RAD51B: variants seen among roughly 807,000 people sequenced by gnomAD.
The protein encoded by RAD51B is DNA repair protein RAD51 homolog 2.
A neutral mutation model predicts 42.2 loss-of-function variants in RAD51B; 38 were observed. The observed-to-expected ratio is 0.90, with a 90% CI of 0.70 to 1.18. The LOEUF (loss-of-function observed/expected upper bound fraction) is 1.18, where lower values mean the gene tolerates loss of function less well. Ranked by LOEUF, RAD51B falls within the 50% of genes most tolerant of loss-of-function variation. The pLI is 0.00. For missense variants in RAD51B, 373 were observed against 400.7 expected, an observed-to-expected ratio of 0.93 and a Z score of 0.59; for synonymous variants, 154 against 145.2, an observed-to-expected ratio of 1.06 and a Z score of -0.43.
intron 8 of RAD51B, among the ~76,000 whole-genome samples, chr14:68,362,406 A>T (rs1380431871): frequency 6.6e-6 from 1 of 152,192 alleles, no homozygotes; most frequent in Non-Finnish European, 1.5e-5. Flanking sequence ...TAGCAATCTG[A>T]TGATGTAAGT....
At chr14:68,365,058 A>C (rs977264253) in intron 8 of RAD51B, among the ~76,000 whole-genome samples, 10 of 152,096 alleles carry the variant, frequency 6.6e-5, no homozygotes, top group African/African-American at 2.4e-4. Flanking sequence ...GCTCCTACAC[A>C]TTTCTCATCC....
At chr14:67,830,410 GT>G (rs139853898) in intron 3 of RAD51B, among the ~76,000 whole-genome samples, 48,393 of 150,756 alleles carry the variant, frequency 0.32, 8,014 homozygotes, top group Middle Eastern at 0.45. Flanking sequence ...GATAATTTTT[GT>G]TTTTTTTTGA....
At chr14:68,661,239 G>A (rs1403120229) in intron 11 of RAD51B, among the ~76,000 whole-genome samples, 1 of 152,222 alleles carries the variant, frequency 6.6e-6, no homozygotes, top group Non-Finnish European at 1.5e-5. Flanking sequence ...AACCAACTCT[G>A]AGATTCCCAC....
intron 10 of RAD51B, among the ~76,000 whole-genome samples, chr14:68,617,720 G>GT (rs1555432253): frequency 1.3e-5 from 2 of 152,164 alleles, no homozygotes; most frequent in Non-Finnish European, 2.9e-5. Context: ...TTTACCACAT[G>GT]TATTTTCTTT....
At position 67,887,315 on chromosome 14, in the gene RAD51B, A is replaced by G. The variant is rs750320583; in HGVS notation, c.756+111A>G. ...AAAATTAGAGGAAAATGTAAAACAG[A>G]TGACTTTTTAAAGGTAGTACAGTCT... On this transcript the variant is annotated intron_variant, in intron 7 of 10. Coordinates refer to ENST00000471583, the MANE Select transcript of RAD51B (RefSeq NM_133510.4). The G allele has an allele frequency of 4.0e-6, 4 of 990,196 alleles. No individual in the cohort carries two copies. The Admixed American group carries it at 8.8e-5, about 22-fold the overall frequency. 61.3% of individuals were successfully genotyped at this position (990,196 alleles called of 1,614,324 possible).
chr14:68,524,849 T>C (rs1036204933), intron 10 of RAD51B, among the ~76,000 whole-genome samples: 11 of 152,250 alleles, frequency 7.2e-5, no homozygotes, highest in Non-Finnish European at 1.6e-4. Context: ...CTCTCCAGCA[T>C]GTGGCAGAGA....
chr14:68,103,287 G>A (rs973880595), intron 7 of RAD51B, among the ~76,000 whole-genome samples: 1 of 152,146 alleles, frequency 6.6e-6, no homozygotes, highest in Non-Finnish European at 1.5e-5. Context: ...TGTATTCCCT[G>A]TATAATTCAA....
chr14:68,434,886 C>T (rs751263812), intron 9 of RAD51B, among the ~76,000 whole-genome samples: 5 of 152,122 alleles, frequency 3.3e-5, no homozygotes, highest in African/African-American at 4.8e-5. Flanking sequence ...ATCTTGGAAC[C>T]GCCCCACCAC....
chr14:68,476,045 G>GAAAAAA (rs35479070), intron 10 of RAD51B, among the ~76,000 whole-genome samples: 1 of 127,690 alleles, frequency 7.8e-6, no homozygotes, highest in Non-Finnish European at 1.7e-5. Context: ...ATATAAGGCT[G>GAAAAAA]AAAAAAAAAA....
In RAD51B at chr14:68,163,540, A is replaced by T. The variant is rs889769126; in HGVS notation, c.757-128344A>T. 5.9e-5 allele frequency among the ~76,000 whole-genome samples: 9 copies of T among 152,030 alleles called. No individual in the cohort carries two copies. The East Asian group carries it at 1.7e-3, about 29-fold the overall frequency. On this transcript the variant is annotated intron_variant, in intron 7 of 10. Transcript: ENST00000471583. Reference sequence around the variant, plus strand: ...TCTTTACCTAATCTCAGGAATACTCATTGCTTTTTCTATTTCTTCTATTTT... The same window carrying T: ...TCTTTACCTAATCTCAGGAATACTCTTTGCTTTTTCTATTTCTTCTATTTT...
intron 7 of RAD51B, among the ~76,000 whole-genome samples, chr14:68,194,352 G>T (rs1259304587): frequency 1.3e-5 from 2 of 152,146 alleles, no homozygotes; most frequent in African/African-American, 4.8e-5. Flanking sequence ...TGTCTGCTGT[G>T]TTCAGGACTG....
At chr14:68,321,572 T>G (rs1437091274) in intron 8 of RAD51B, among the ~76,000 whole-genome samples, 1 of 152,158 alleles carries the variant, frequency 6.6e-6, no homozygotes, top group Non-Finnish European at 1.5e-5. Flanking sequence ...ATAGCAGCAT[T>G]TGATCCATAA....
chr14:68,571,157 G>A (rs1275577937), intron 10 of RAD51B, among the ~76,000 whole-genome samples: 3 of 152,196 alleles, frequency 2.0e-5, no homozygotes, highest in Non-Finnish European at 2.9e-5. Context: ...AGGTGACCCC[G>A]TGAGCTAAGG....
chr14:68,549,684 G>A (rs1045842303), intron 10 of RAD51B, among the ~76,000 whole-genome samples: 2 of 150,766 alleles, frequency 1.3e-5, no homozygotes, highest in South Asian at 2.1e-4. Flanking sequence ...AAAGTGCTGG[G>A]ATTACAGGCG....
chr14:67,841,574 C>T (rs2041429107), intron 4 of RAD51B, among the ~76,000 whole-genome samples: 1 of 152,100 alleles, frequency 6.6e-6, no homozygotes, highest in Non-Finnish European at 1.5e-5. Flanking sequence ...ATTGTTGATC[C>T]ATCTTGAGTT....
intron 8 of RAD51B, among the ~76,000 whole-genome samples, chr14:68,387,359 T>C (rs1455848725): frequency 2.6e-5 from 4 of 152,020 alleles, no homozygotes; most frequent in African/African-American, 7.3e-5. Flanking sequence ...AGACTTTGGT[T>C]CATTTGTTCT....
In RAD51B at chr14:68,429,709, T is replaced by G. The variant is rs2084950912; in HGVS notation, c.957+18182T>G. ...CCCATTCTGTAGGTTGCCTGTTCAC[T>G]CTGATGGTAGTTTCTTTTGCTGTGC... On this transcript the variant is annotated intron_variant, in intron 9 of 10. Coordinates refer to ENST00000471583, the MANE Select transcript of RAD51B (RefSeq NM_133510.4). Among the ~76,000 whole-genome samples the G allele has an allele frequency of 6.6e-5, 10 of 152,342 alleles. No individual in the cohort carries two copies. The South Asian group carries it at 2.1e-3, about 32-fold the overall frequency.
intron 7 of RAD51B, among the ~76,000 whole-genome samples, chr14:67,997,551 T>C (rs1383170317): frequency 6.6e-6 from 1 of 152,204 alleles, no homozygotes; most frequent in African/African-American, 2.4e-5. Context: ...CTTTTTCCTA[T>C]TGTCTGTGAT....
intron 9 of RAD51B, among the ~76,000 whole-genome samples, chr14:68,427,544 A>T (rs1178531932): frequency 6.6e-6 from 1 of 151,492 alleles, no homozygotes; most frequent in African/African-American, 2.4e-5. Flanking sequence ...GGGATCAGTT[A>T]CTCCTTTCTT....
Sources: gnomAD v4.1 joint callset for allele counts (sites outside exome capture counted in the v4.1 genomes callset) on GRCh38, gnomAD v4.1.1 for gene constraint, MANE v1.5 for transcripts, NCBI Gene and HGNC (gene_info 2026-07-23, HGNC 2026-07-21) for gene names.